Variants in NMNAT2 observed in about 807,000 individuals in gnomAD.
NMNAT2 encodes the protein nicotinamide nucleotide adenylyltransferase 2, also known as nicotinamide/nicotinic acid mononucleotide adenylyltransferase 2.
In NMNAT2, 11 loss-of-function variants were observed where a neutral mutation model predicts 41.6. The observed-to-expected ratio is 0.26, with a 90% confidence interval of 0.17 to 0.44. The LOEUF (loss-of-function observed/expected upper bound fraction) is 0.44, where lower values mean the gene tolerates loss of function less well. Ranked by LOEUF, NMNAT2 falls within the 20% of genes least tolerant of loss-of-function variation. The pLI is 1.00. For missense variants in NMNAT2, 288 were observed against 407.7 expected (o/e 0.71, Z 2.53); for synonymous variants, 148 against 151.2 (o/e 0.98, Z 0.16).
chr1:183,376,667 A>G (rs1251033381), intron 1 of NMNAT2, among the ~76,000 whole-genome samples: 1 of 152,204 alleles, frequency 6.6e-6, no homozygotes, highest in East Asian at 1.9e-4. Context: ...GCTGTCCCAT[A>G]AAATTCAAAC....
intron 1 of NMNAT2, among the ~76,000 whole-genome samples, chr1:183,298,055 G>A (rs946262304): frequency 3.3e-5 from 5 of 152,106 alleles, no homozygotes; most frequent in African/African-American, 1.2e-4. Context: ...AAACGTCCTC[G>A]ACTTGACAAA....
At chr1:183,399,784 T>G (rs891439770) in intron 1 of NMNAT2, among the ~76,000 whole-genome samples, 7 of 152,054 alleles carry the variant, frequency 4.6e-5, no homozygotes, top group African/African-American at 1.7e-4. Context: ...ATGTAATTCA[T>G]CATATAAACA....
intron 1 of NMNAT2, among the ~76,000 whole-genome samples, chr1:183,342,274 T>C (rs1399673760): frequency 1.3e-5 from 2 of 152,090 alleles, no homozygotes; most frequent in Admixed American, 1.3e-4. Context: ...GAGGATTGCT[T>C]GAGACCAGGG....
chr1:183,292,712 G>T, intron 3 of NMNAT2, 78 bp downstream of exon 3: 1 of 1,333,034 alleles, frequency 7.5e-7, no homozygotes, highest in Admixed American at 1.9e-5. Context: ...AATTACTGCT[G>T]GAACTCTTCT....
At chr1:183,330,492 C>T (rs113410944) in intron 1 of NMNAT2, among the ~76,000 whole-genome samples, 2 of 152,104 alleles carry the variant, frequency 1.3e-5, no homozygotes, top group African/African-American at 4.8e-5. Context: ...TCACCATGGT[C>T]CCTACCTACA....
chr1:183,288,343 A>C (rs638066), intron 4 of NMNAT2, among the ~76,000 whole-genome samples: 103,078 of 152,006 alleles, frequency 0.68, 35,378 homozygotes, highest in African/African-American at 0.77. Context: ...CTCTCCATGC[A>C]GGGAACACCT....
chr1:183,264,240 AT>A lies in NMNAT2; in HGVS notation c.652-2938del, dbSNP rs1660745426. On this transcript the variant is annotated intron_variant, in intron 8 of 10. Transcript: ENST00000287713. ...CATTCTAATTTAAACCATGAAAATA[AT>A]GGCTCAGAATAGCAGTCCTCATGGG... Among the ~76,000 whole-genome samples the A allele has an allele frequency of 2.0e-5, 3 of 152,204 alleles. No homozygotes were observed. The South Asian group carries it at 6.2e-4, about 32-fold the overall frequency.
intron 8 of NMNAT2, among the ~76,000 whole-genome samples, chr1:183,261,601 C>T (rs1237114642): frequency 6.6e-6 from 1 of 152,218 alleles, no homozygotes; most frequent in Non-Finnish European, 1.5e-5. Context: ...TCCTGAGGCT[C>T]CCGTTAAGTT....
chr1:183,329,014 C>T (rs1030020138), intron 1 of NMNAT2, among the ~76,000 whole-genome samples: 2 of 152,060 alleles, frequency 1.3e-5, no homozygotes, highest in Non-Finnish European at 2.9e-5. Flanking sequence ...GGTAGCAAGT[C>T]GGTAGAAATA....
Position 183,361,581 on chromosome 1 carries a change from G to T in NMNAT2, c.85+56602C>A, listed in dbSNP as rs149803518. On this transcript the variant is annotated intron_variant, in intron 1 of 10. Coordinates refer to ENST00000287713, the MANE Select transcript of NMNAT2 (RefSeq NM_015039.4). The stretch of plus-strand genomic sequence containing the variant: ...TTTAAATAAATGAACAAGTGAAAGT[G>T]GCAATGGCAAATCCTAGTGCTAAGT... Among the ~76,000 whole-genome samples, 306 of 130,654 alleles carry T rather than the reference G, an allele frequency of 2.3e-3. 1 individual carries two copies. The highest frequency in any genetic ancestry group is 8.0e-3 in the African/African-American group (296 of 36,780). 85.7% of individuals were successfully genotyped at this position (130,654 alleles called of 152,430 possible). A position where few individuals can be genotyped will look rare whatever the true frequency, so the allele number is the denominator to read the frequency against.
At chr1:183,278,408 AG>A (rs1316187511) in intron 8 of NMNAT2, 144 bp downstream of exon 8, 10 of 605,718 alleles carry the variant, frequency 1.7e-5, no homozygotes, top group Non-Finnish European at 3.1e-5. Flanking sequence ...GCTTGGGGGT[AG>A]GTGAGAATTT....
chr1:183,284,627 G>T, intron 6 of NMNAT2, 83 bp downstream of exon 6: 1 of 1,186,308 alleles, frequency 8.4e-7, no homozygotes, highest in Non-Finnish European at 1.3e-6. Context: ...GGGGGAATGT[G>T]CTTGAGGATC....
intron 1 of NMNAT2, among the ~76,000 whole-genome samples, chr1:183,410,189 G>A (rs1649078415): frequency 6.6e-6 from 1 of 151,546 alleles, no homozygotes; most frequent in Admixed American, 6.6e-5. Flanking sequence ...CGGGCATGAT[G>A]GCGGGTGCCT....
At chr1:183,298,460 T>C (rs2102314189) in intron 1 of NMNAT2, among the ~76,000 whole-genome samples, 1 of 152,300 alleles carries the variant, frequency 6.6e-6, no homozygotes, top group Admixed American at 6.5e-5. Flanking sequence ...ATGAAATACT[T>C]AGGTATAAAT....
At chr1:183,415,548 G>A (rs1649230344) in intron 1 of NMNAT2, among the ~76,000 whole-genome samples, 1 of 152,180 alleles carries the variant, frequency 6.6e-6, no homozygotes, top group Admixed American at 6.5e-5. Context: ...GTTGCAGTAT[G>A]AAGGCCTCTG....
rs754365187 is a variant in NMNAT2 at position 183,284,717 on chromosome 1, G to T, written c.522C>A (p.Thr174=). The change falls in exon 6 of 11, where the codon ACC becomes ACA. Residue 174 remains threonine, a synonymous_variant. Coordinates refer to ENST00000287713, the MANE Select transcript of NMNAT2 (RefSeq NM_015039.4). ...CCVRPPVERF[T]FVDENANLGT... ...AGTTCCTTGGTTCCTCACCTACAAAGGTGAAACGCTCCACCGGCGGGCGGA... is the reference window on the plus strand; with the variant it reads ...AGTTCCTTGGTTCCTCACCTACAAATGTGAAACGCTCCACCGGCGGGCGGA... The T allele has an allele frequency of 2.5e-6, 4 of 1,613,906 alleles. No homozygotes were observed. The highest frequency in any genetic ancestry group is 3.4e-6 in the Non-Finnish European group (4 of 1,179,766).
Position 183,252,593 on chromosome 1 carries a change from G to T in NMNAT2, c.*48C>A. ...CAGAGAGGCAGGAGAGAAACAGGGG[G>T]CTGACAAAGATGGAGGGGCCATTGT... On this transcript the variant is annotated 3_prime_UTR_variant, in exon 11 of 11. Transcript: ENST00000287713. The T allele has an allele frequency of 8.0e-7, 1 of 1,256,050 alleles. No homozygotes were observed. The allele number at this position is 1,256,050 out of a possible 1,614,324, so 77.8% of individuals were successfully genotyped here.
chr1:183,338,391 T>A (rs1348096152), intron 1 of NMNAT2, among the ~76,000 whole-genome samples: 2 of 151,764 alleles, frequency 1.3e-5, no homozygotes, highest in African/African-American at 2.4e-5. Flanking sequence ...TGAGGAGAAA[T>A]GACAACAGTG....
chr1:183,405,731 G>A (rs1648938524), intron 1 of NMNAT2, among the ~76,000 whole-genome samples: 2 of 152,196 alleles, frequency 1.3e-5, no homozygotes, highest in Admixed American at 1.3e-4. Context: ...CACTTCAAGA[G>A]AACTTGTTTT....
Sources: gnomAD v4.1 joint callset for allele counts (sites outside exome capture counted in the v4.1 genomes callset) on GRCh38, gnomAD v4.1.1 for gene constraint, MANE v1.5 for transcripts, NCBI Gene and HGNC (gene_info 2026-07-23, HGNC 2026-07-21) for gene names.